The following AOAH variants were observed in gnomAD, a reference collection of about 807,000 sequenced individuals.
AOAH encodes acyloxyacyl hydrolase (neutrophil).
A neutral mutation model predicts 92.2 loss-of-function variants in AOAH; 64 were observed. The ratio of observed to expected loss-of-function variants is 0.69; its 90% CI spans 0.57 to 0.86. AOAH has a LOEUF of 0.86. Ranked by LOEUF, AOAH falls within the 40% of genes least tolerant of loss-of-function variation. The pLI, the probability that AOAH is intolerant of heterozygous loss-of-function variation, is 0.00. For missense variants in AOAH, 656 were observed against 694.6 expected (o/e 0.94, Z 0.62); for synonymous variants, 263 against 254.5 (o/e 1.03, Z -0.32).
intron 16 of AOAH, among the ~76,000 whole-genome samples, chr7:36,536,949 CAAAAAAA>C (rs11441171): frequency 6.3e-5 from 3 of 47,460 alleles, no homozygotes; most frequent in Admixed American, 7.5e-4. Flanking sequence ...GACTTCATCT[CAAAAAAA>C]AAAAAAAAAA....
chr7:36,521,114 T>A (rs939054241), intron 20 of AOAH, among the ~76,000 whole-genome samples: 8 of 151,940 alleles, frequency 5.3e-5, no homozygotes, highest in African/African-American at 1.9e-4. Context: ...GAGGGGACAA[T>A]CAGCCCTCCT....
intron 11 of AOAH, among the ~76,000 whole-genome samples, chr7:36,605,593 G>T (rs1439794214): frequency 6.6e-6 from 1 of 152,206 alleles, no homozygotes; most frequent in Non-Finnish European, 1.5e-5. Flanking sequence ...ATGCTTTTCA[G>T]AAGTATGGAG....
intron 1 of AOAH, among the ~76,000 whole-genome samples, chr7:36,697,609 A>T (rs1005349906): frequency 2.6e-5 from 4 of 152,168 alleles, no homozygotes; most frequent in African/African-American, 4.8e-5. Context: ...CATTATTTCT[A>T]CTTTAAGTAC....
At chr7:36,545,445 G>T (rs1785743053) in intron 15 of AOAH, among the ~76,000 whole-genome samples, 1 of 152,110 alleles carries the variant, frequency 6.6e-6, no homozygotes, top group South Asian at 2.1e-4. Flanking sequence ...AGCATGGATT[G>T]TTTCTCACTA....
At chr7:36,575,135 TTGTATC>T (rs947429171) in intron 13 of AOAH, among the ~76,000 whole-genome samples, 1 of 152,196 alleles carries the variant, frequency 6.6e-6, no homozygotes, top group African/African-American at 2.4e-5. Context: ...GATGTTCACT[TTGTATC>T]TGTGATGAGT....
chr7:36,684,884 G>A (rs1796870335), intron 2 of AOAH, among the ~76,000 whole-genome samples: 1 of 112,414 alleles, frequency 8.9e-6, no homozygotes, highest in African/African-American at 3.5e-5. Context: ...TTCACCCTGG[G>A]CGACAGACTG....
chr7:36,523,926 T>C (rs899419090), intron 19 of AOAH, among the ~76,000 whole-genome samples: 15 of 152,066 alleles, frequency 9.9e-5, no homozygotes, highest in African/African-American at 3.6e-4. Context: ...TCAGTTCTCT[T>C]TGTCCTTTTA....
chr7:36,558,333 C>T (rs574712148), intron 13 of AOAH, among the ~76,000 whole-genome samples: 249 of 152,288 alleles, frequency 1.6e-3, no homozygotes, highest in Non-Finnish European at 2.9e-3. Context: ...GCTGTCTGAT[C>T]GTTCCTCTGG....
chr7:36,671,683 G>A (rs1231225661), intron 3 of AOAH, among the ~76,000 whole-genome samples: 1 of 151,968 alleles, frequency 6.6e-6, no homozygotes, highest in Non-Finnish European at 1.5e-5. Context: ...GTTTGCCTGT[G>A]TGTATAGGAG....
intron 19 of AOAH, among the ~76,000 whole-genome samples, chr7:36,525,003 TC>T (rs1179985209): frequency 6.6e-6 from 1 of 152,164 alleles, no homozygotes; most frequent in East Asian, 1.9e-4. Context: ...CATCAAGACT[TC>T]AGACAGAGCC....
Position 36,680,891 on chromosome 7 carries a change from C to T in AOAH, c.223+5808G>A, listed in dbSNP as rs887917316. ...TTCCACTTCACCAGAATCTGACTTT[C>T]AGCCTCTCACTTGATCTTACCAGGC... On this transcript the variant is annotated intron_variant, in intron 2 of 20. Coordinates refer to ENST00000617537, the MANE Select transcript of AOAH (RefSeq NM_001637.4). Among the ~76,000 whole-genome samples the T allele has an allele frequency of 7.2e-5, 11 of 152,328 alleles. No individual in the cohort carries two copies. The East Asian group carries it at 2.1e-3, about 29-fold the overall frequency.
intron 1 of AOAH, among the ~76,000 whole-genome samples, chr7:36,689,164 C>G (rs1199975832): frequency 6.6e-6 from 1 of 152,106 alleles, no homozygotes; most frequent in Non-Finnish European, 1.5e-5. Context: ...CCAGTCTCCA[C>G]TTGTGGACAT....
chr7:36,549,388 T>G (rs1468562580), intron 14 of AOAH, 51 bp downstream of exon 14: 12 of 1,367,514 alleles, frequency 8.8e-6, no homozygotes, highest in Non-Finnish European at 1.2e-5. Context: ...TTTTCATTCC[T>G]TATTCAAAAT....
chr7:36,705,764 A>T (rs998486256), intron 1 of AOAH, among the ~76,000 whole-genome samples: 1 of 152,196 alleles, frequency 6.6e-6, no homozygotes, highest in Non-Finnish European at 1.5e-5. Context: ...TACAGTAACC[A>T]AAAGGCTGCA....
intron 7 of AOAH, among the ~76,000 whole-genome samples, 188 bp downstream of exon 7, chr7:36,623,002 T>C (rs1288206312): frequency 6.6e-6 from 1 of 152,166 alleles, no homozygotes; most frequent in Non-Finnish European, 1.5e-5. Context: ...ACCATGCCAC[T>C]GCACTCCAGT....
At chr7:36,682,622 A>T (rs972348033) in intron 2 of AOAH, among the ~76,000 whole-genome samples, 12 of 152,142 alleles carry the variant, frequency 7.9e-5, no homozygotes, top group African/African-American at 2.9e-4. Context: ...GACATGAAAA[A>T]ATAGCAAGAA....
chr7:36,627,132 C>T (rs990598294), intron 6 of AOAH, among the ~76,000 whole-genome samples: 2 of 152,128 alleles, frequency 1.3e-5, no homozygotes, highest in Non-Finnish European at 2.9e-5. Flanking sequence ...GATACAGTTC[C>T]TACAGTTCCT....
intron 1 of AOAH, among the ~76,000 whole-genome samples, chr7:36,687,332 T>C (rs1443613306): frequency 6.6e-6 from 1 of 152,070 alleles, no homozygotes; most frequent in Non-Finnish European, 1.5e-5. Flanking sequence ...AAAATATTAT[T>C]TTGCCTCACA....
In AOAH at chr7:36,616,426, T is replaced by A; in HGVS notation, c.800A>T (p.His267Leu). Residue 267 changes from histidine to leucine, a missense_variant, in exon 11 of 21, where the codon CAT (histidine) becomes CTT (leucine). Physicochemically the swap from His to Leu is moderately conservative, Grantham distance 99. Coordinates refer to ENST00000617537, the MANE Select transcript of AOAH (RefSeq NM_001637.4). ...IILLGDSAGA[H>L]FHISPEWITA... ...GATCCATTCAGGAGAGATGTGAAAATGAGCCCCAGCTGAGTCTCCCAGCAA... is the reference window on the plus strand; with the variant it reads ...GATCCATTCAGGAGAGATGTGAAAAAGAGCCCCAGCTGAGTCTCCCAGCAA... 3.1e-6 allele frequency: 5 copies of A among 1,614,124 alleles called. No homozygotes were observed. The highest frequency in any genetic ancestry group is 3.4e-6 in the Non-Finnish European group (4 of 1,179,984).
Sources: gnomAD v4.1 joint callset for allele counts (sites outside exome capture counted in the v4.1 genomes callset) on GRCh38, gnomAD v4.1.1 for gene constraint, MANE v1.5 for transcripts, NCBI Gene and HGNC (gene_info 2026-07-23, HGNC 2026-07-21) for gene names.